Variants in WNT4 observed in about 807,000 individuals in gnomAD.
The protein encoded by WNT4 is Wnt family member 4.
WNT4 carries 16 observed loss-of-function variants against 34.5 expected under a neutral mutation model. That is an observed-to-expected ratio of 0.46 (90% CI 0.31 to 0.70). WNT4 has a LOEUF of 0.70. Ranked by LOEUF, WNT4 falls within the 30% of genes least tolerant of loss-of-function variation. The pLI is 0.04. For missense variants in WNT4, 379 were observed against 495.9 expected (o/e 0.76, Z 2.24); for synonymous variants, 200 against 211.9 (o/e 0.94, Z 0.49).
chr1:22,125,086 T>C (rs1645930414), intron 2 of WNT4, among the ~76,000 whole-genome samples: 1 of 152,064 alleles, frequency 6.6e-6, no homozygotes, highest in Non-Finnish European at 1.5e-5. Context: ...GAGCCAAAGC[T>C]GTATTGGATT....
intron 2 of WNT4, among the ~76,000 whole-genome samples, chr1:22,129,163 C>T (rs964349419): frequency 6.6e-6 from 1 of 152,162 alleles, no homozygotes; most frequent in Admixed American, 6.6e-5. Flanking sequence ...ATGGGATGGG[C>T]CCAGATACTG....
Position 22,139,451 on chromosome 1 carries a change from G to C in WNT4, c.77+3395C>G, listed in dbSNP as rs59633390. Among the ~76,000 whole-genome samples the C allele has an allele frequency of 0.079, 12,053 of 152,188 alleles. 749 individuals are homozygous for C. Among genetic ancestry groups the C allele is most frequent in the African/African-American group, 0.15 (6,407 of 41,496 alleles). ...ACTCAGCTGGGCAGGGCAGAGCTCGGTTGGATCTCAAAGACCCACTTCTTG... is the reference window on the plus strand; with the variant it reads ...ACTCAGCTGGGCAGGGCAGAGCTCGCTTGGATCTCAAAGACCCACTTCTTG... On this transcript the variant is annotated intron_variant, in intron 1 of 4. Coordinates refer to ENST00000290167, the MANE Select transcript of WNT4 (RefSeq NM_030761.5). The surrounding 1 kb of genome is among the most constrained non-coding windows in gnomAD (Gnocchi z 4.6).
intron 2 of WNT4, among the ~76,000 whole-genome samples, chr1:22,123,558 G>A (rs1310845029): frequency 6.6e-6 from 1 of 152,218 alleles, no homozygotes; most frequent in African/African-American, 2.4e-5. Context: ...GACTTCACAT[G>A]TGTTATATAC....
At chr1:22,131,926 A>C (rs1452019955) in intron 1 of WNT4, among the ~76,000 whole-genome samples, 1 of 152,200 alleles carries the variant, frequency 6.6e-6, no homozygotes, top group African/African-American at 2.4e-5. Context: ...AGGGAAGACA[A>C]GGGCAGGAAG....
chr1:22,140,069 C>G lies in WNT4; in HGVS notation c.77+2777G>C. 1.7e-6 allele frequency: 1 copy of G among 592,940 alleles called. No homozygotes were observed. Among genetic ancestry groups the G allele is most frequent in the Non-Finnish European group, 2.1e-6 (1 of 471,028 alleles). The allele number at this position is 592,940 out of a possible 1,614,324, so 36.7% of individuals were successfully genotyped here. A position where few individuals can be genotyped will look rare whatever the true frequency, so the allele number is the denominator to read the frequency against. On this transcript the variant is annotated intron_variant, in intron 1 of 4. Transcript: ENST00000290167. The surrounding 1 kb of genome is among the most constrained non-coding windows in gnomAD (Gnocchi z 5.9). ...TGCCCTTCTGAGACAACAGATAGTC[C>G]TGGCTCTCGCCACTGGCCAGCAGAC...
At chr1:22,124,675 G>A (rs1028320786) in intron 2 of WNT4, among the ~76,000 whole-genome samples, 10 of 152,170 alleles carry the variant, frequency 6.6e-5, no homozygotes, top group East Asian at 1.9e-4. Flanking sequence ...AAGGCTTGTC[G>A]GACTCCAGGC....
rs1022015342 is a variant in WNT4 at position 22,134,474 on chromosome 1, CT to C, written c.78-4624del. 3.3e-5 allele frequency among the ~76,000 whole-genome samples: 5 copies of C among 152,198 alleles called. No homozygotes were observed. Among genetic ancestry groups the C allele is most frequent in the African/African-American group, 9.7e-5 (4 of 41,444 alleles). ...GTCTTGGTATCCTGCTGTGCTCCCC[CT>C]GATGGTGCCCTAGCCTTGGAGACCC... is the stretch of plus-strand genomic sequence containing the variant. On this transcript the variant is annotated intron_variant, in intron 1 of 4. Coordinates refer to ENST00000290167, the MANE Select transcript of WNT4 (RefSeq NM_030761.5). The surrounding 1 kb of genome is among the most constrained non-coding windows in gnomAD (Gnocchi z 4.1).
In WNT4 at chr1:22,129,723, C is replaced by T. The variant is rs776212478; in HGVS notation, c.206G>A (p.Arg69His). ...RNLEVMDSVR[R>H]GAQLAIEECQ... ...CTCCTCAATGGCCAGCTGGGCACCG[C>T]GGCGCACCGAGTCCATGACTTCCAG... The change falls in exon 2 of 5, where the codon CGC becomes CAC. Residue 69 changes from arginine to histidine, a missense_variant. This residue lies in a region of WNT4 where 313 missense variants were observed against 445.8 expected (regional missense o/e 0.70). Transcript: ENST00000290167. The T allele has an allele frequency of 9.0e-5, 146 of 1,613,828 alleles. No homozygotes were observed. The South Asian group carries it at 9.9e-4, about 11-fold the overall frequency.
In WNT4 at chr1:22,142,821, C is replaced by CCCGCT; in HGVS notation, c.77+20_77+24dup. 1.7e-6 allele frequency: 2 copies of CCCGCT among 1,172,560 alleles called. No individual in the cohort carries two copies. Among genetic ancestry groups the CCCGCT allele is most frequent in the African/African-American group, 1.6e-5 (1 of 60,638 alleles). 72.6% of individuals were successfully genotyped at this position (1,172,560 alleles called of 1,614,324 possible). ...CGGGGCCTGCCCCGCCCCGCCCCGCCCCGCTCGGCCCCGGCCAGACTTACA... is the reference window on the plus strand; with the variant it reads ...CGGGGCCTGCCCCGCCCCGCCCCGCCCCGCTCCGCTCGGCCCCGGCCAGACTTACA... On this transcript the variant is annotated intron_variant, in intron 1 of 4. Coordinates refer to ENST00000290167, the MANE Select transcript of WNT4 (RefSeq NM_030761.5). The surrounding 1 kb of genome is among the most constrained non-coding windows in gnomAD (Gnocchi z 6.0).
In WNT4 at chr1:22,139,484, C is replaced by T. The variant is rs1051696106; in HGVS notation, c.77+3362G>A. Among the ~76,000 whole-genome samples the T allele has an allele frequency of 4.6e-5, 7 of 152,168 alleles. No individual in the cohort carries two copies. The highest frequency in any genetic ancestry group is 2.1e-4 in the South Asian group (1 of 4,836). The stretch of plus-strand genomic sequence containing the variant: ...TCAAAGACCCACTTCTTGGCCATGC[C>T]GCCGGCCTGCCTCTGAGTGCAGCGT... On this transcript the variant is annotated intron_variant, in intron 1 of 4. Transcript: ENST00000290167. This position sits in a 1 kb window ranked among gnomAD's most constrained non-coding sequence, Gnocchi z 4.6.
chr1:22,131,810 C>T (rs1419386784), intron 1 of WNT4, among the ~76,000 whole-genome samples: 1 of 152,192 alleles, frequency 6.6e-6, no homozygotes, highest in African/African-American at 2.4e-5. Flanking sequence ...TCCTGGTCTC[C>T]CAGGGGCCTC....
chr1:22,130,446 GGGT>G (rs1645974413), intron 1 of WNT4, among the ~76,000 whole-genome samples: 1 of 152,238 alleles, frequency 6.6e-6, no homozygotes, highest in Non-Finnish European at 1.5e-5. Flanking sequence ...GTCAGGTTAT[GGGT>G]GGTGGTGGCG....
Position 22,120,149 on chromosome 1 carries a change from C to T in WNT4, c.957G>A (p.Gln319=). 1 of 1,613,522 alleles carries T rather than the reference C, an allele frequency of 6.2e-7. No individual in the cohort carries two copies. The highest frequency in any genetic ancestry group is 1.1e-5 in the South Asian group (1 of 91,074). The part of the protein sequence containing the change: ...LCCGRGFHTA[Q]VELAERCSCK... ...AGCTGCAGCGTTCAGCCAGCTCCAC[C>T]TGCGCCGTGTGGAAGCCGCGGCCAC... Residue 319 remains glutamine, a synonymous_variant, in exon 5 of 5, where the codon CAG becomes CAA. Transcript: ENST00000290167.
intron 1 of WNT4, among the ~76,000 whole-genome samples, chr1:22,133,425 T>C (rs1444194994): frequency 6.6e-6 from 1 of 152,086 alleles, no homozygotes; most frequent in Non-Finnish European, 1.5e-5. Context: ...CCCAGTGCCC[T>C]AGGGTGGCTC....
chr1:22,127,887 G>T (rs769584842), intron 2 of WNT4, among the ~76,000 whole-genome samples: 1 of 152,214 alleles, frequency 6.6e-6, no homozygotes, highest in South Asian at 2.1e-4. Context: ...TTGCGGTGGA[G>T]GACATTGCAT....
Position 22,120,383 on chromosome 1 carries a change from G to A in WNT4, c.723C>T (p.Ala241=), listed in dbSNP as rs1645886028. The change falls in exon 5 of 5, where the codon GCC becomes GCT. Residue 241 remains alanine, a synonymous_variant. Transcript: ENST00000290167. ...GHALKEKFDG[A]TEVEPRRVGS... is the part of the protein sequence containing the mutation. Reference sequence around the variant, plus strand: ...CCACGCGGCGTGGCTCCACCTCAGTGGCACCATCAAACTTCTCCTTCAGTG... The same window carrying A: ...CCACGCGGCGTGGCTCCACCTCAGTAGCACCATCAAACTTCTCCTTCAGTG... The A allele has an allele frequency of 6.2e-7, 1 of 1,614,072 alleles. No homozygotes were observed. Among genetic ancestry groups the A allele is most frequent in the Admixed American group, 1.7e-5 (1 of 60,018 alleles).
chr1:22,121,068 G>A, intron 4 of WNT4, 143 bp downstream of exon 4: 1 of 1,402,678 alleles, frequency 7.1e-7, no homozygotes, highest in Non-Finnish European at 9.6e-7. Context: ...GGCCTGTCCT[G>A]AACCCCACTG....
rs1211435403 is a variant in WNT4 at position 22,118,561 on chromosome 1, G to A, written c.*1489C>T. ...AGTACCTATGGTACCTGGGACCCCA[G>A]GGACTCGGATGTGCTGGGGAGGGGT... On this transcript the variant is annotated 3_prime_UTR_variant, in exon 5 of 5. Transcript: ENST00000290167. The A allele has an allele frequency of 6.6e-6, 1 of 152,372 alleles. No homozygotes were observed. The highest frequency in any genetic ancestry group is 1.9e-4 in the East Asian group (1 of 5,196). The allele number at this position is 152,372 out of a possible 1,614,324, so 9.4% of individuals were successfully genotyped here. A position where few individuals can be genotyped will look rare whatever the true frequency, so the allele number is the denominator to read the frequency against.
chr1:22,140,087 C>T lies in WNT4; in HGVS notation c.77+2759G>A, dbSNP rs1009711543. ...GATAGTCCTGGCTCTCGCCACTGGC[C>T]AGCAGACCCACCCTGGACTCCAGGG... On this transcript the variant is annotated intron_variant, in intron 1 of 4. Transcript: ENST00000290167. This position sits in a 1 kb window ranked among gnomAD's most constrained non-coding sequence, Gnocchi z 5.9. The T allele has an allele frequency of 8.9e-6, 7 of 782,460 alleles. No individual in the cohort carries two copies. The African/African-American group carries it at 1.3e-4, about 15-fold the overall frequency. 48.5% of individuals were successfully genotyped at this position (782,460 alleles called of 1,614,324 possible).
Sources: allele counts gnomAD v4.1 joint callset (sites outside exome capture counted in the v4.1 genomes callset), GRCh38; gene constraint gnomAD v4.1.1; regional missense constraint gnomAD v4.1.1; non-coding constraint Gnocchi (gnomAD v3.1); transcripts MANE v1.5; gene names NCBI Gene and HGNC (gene_info 2026-07-23, HGNC 2026-07-21).